Variants in BRCA1 observed in about 807,000 individuals in gnomAD.
BRCA1 encodes the protein BRCA1 DNA repair associated, also known as breast cancer type 1 susceptibility protein.
BRCA1 carries 140 observed loss-of-function variants against 173.7 expected under a neutral mutation model. The ratio of observed to expected loss-of-function variants is 0.81; its 90% CI spans 0.70 to 0.93. The LOEUF (loss-of-function observed/expected upper bound fraction) is 0.93. Ranked by LOEUF, BRCA1 falls within the 40% of genes least tolerant of loss-of-function variation. BRCA1 has a pLI of 0.00. For missense variants in BRCA1, 1,983 were observed against 2,172.5 expected (o/e 0.91, Z 1.73); for synonymous variants, 662 against 756.0 (o/e 0.88, Z 2.04).
At chr17:43,078,515 G>A (rs1488671067) in intron 12 of BRCA1, among the ~76,000 whole-genome samples, 2 of 152,168 alleles carry the variant, frequency 1.3e-5, no homozygotes, top group African/African-American at 4.8e-5. Context: ...GTTAAAAATT[G>A]CAAAAGTCTT....
At chr17:43,123,022 A>C (rs1215701549) in intron 2 of BRCA1, among the ~76,000 whole-genome samples, 1 of 151,588 alleles carries the variant, frequency 6.6e-6, no homozygotes, top group Non-Finnish European at 1.5e-5. Context: ...GCGCCACTGC[A>C]CTCCAGCCTG....
At chr17:43,075,975 C>A (rs539820050) in intron 13 of BRCA1, among the ~76,000 whole-genome samples, 391 of 151,958 alleles carry the variant, frequency 2.6e-3, no homozygotes, top group African/African-American at 9.1e-3. Context: ...TGCTTGTGGA[C>A]CCAGCTACTC....
chr17:43,135,133 C>CGTA (rs1567828387), intron 1 of BRCA1, among the ~76,000 whole-genome samples: 3 of 152,262 alleles, frequency 2.0e-5, no homozygotes, highest in African/African-American at 7.2e-5. Context: ...CCTGCTAGTT[C>CGTA]CTAACCCACG....
rs532575889 is a variant in BRCA1 at position 43,114,808 on chromosome 17, T to C, written c.134+918A>G. Among the ~76,000 whole-genome samples the C allele has an allele frequency of 9.2e-5, 14 of 152,344 alleles. No individual in the cohort carries two copies. The South Asian group carries it at 2.7e-3, about 29-fold the overall frequency. Reference sequence around the variant, plus strand: ...AAATTAGTTGACATTTAAGGTAAGATGTGAGCCATAGCTTAACATAAAGAA... The same window carrying C: ...AAATTAGTTGACATTTAAGGTAAGACGTGAGCCATAGCTTAACATAAAGAA... On this transcript the variant is annotated intron_variant, in intron 3 of 22. Coordinates refer to ENST00000357654, the MANE Select transcript of BRCA1 (RefSeq NM_007294.4).
rs1160978698 is a variant in BRCA1, at chr17:43,100,054, G to A, written c.442-174C>T. Among the ~76,000 whole-genome samples, 3 of 152,322 alleles carry A rather than the reference G, an allele frequency of 2.0e-5. 1 individual carries two copies. In the South Asian group the frequency reaches 6.2e-4, roughly 32 times the overall value. ...TACACACTAAAATGTCTGGGGCTGG[G>A]AGCGGTAGCTCATGCCTATAATCCC... On this transcript the variant is annotated intron_variant, in intron 6 of 22. Coordinates refer to ENST00000357654, the MANE Select transcript of BRCA1 (RefSeq NM_007294.4).
In BRCA1 at chr17:43,067,529, C is replaced by T. The variant is rs959974663; in HGVS notation, c.5074+79G>A. On this transcript the variant is annotated intron_variant, in intron 16 of 22. Transcript: ENST00000357654. ...TCGGCCTCCCAAAGTGCTGCGATTA[C>T]AGGCATGCGCCACCGTGCCTCGCCT... 1.3e-5 allele frequency: 16 copies of T among 1,195,130 alleles called. 1 individual carries two copies. Among genetic ancestry groups the T allele is most frequent in the Non-Finnish European group, 1.9e-5 (15 of 804,862 alleles). 74.0% of individuals were successfully genotyped at this position (1,195,130 alleles called of 1,614,324 possible).
chr17:43,154,506 C>T (rs12950779), intron 1 of BRCA1, among the ~76,000 whole-genome samples: 47,943 of 151,626 alleles, frequency 0.32, 7,907 homozygotes, highest in South Asian at 0.49. Context: ...ATAAGCTGCA[C>T]TCCAGCCTGG....
At chr17:43,125,141 A>T (rs1168637182) in intron 1 of BRCA1, 130 bp downstream of exon 1, 1 of 426,206 alleles carries the variant, frequency 2.3e-6, no homozygotes. Context: ...ACAACGCCTT[A>T]CGCCTCTCAG....
At chr17:43,125,079 G>C in intron 1 of BRCA1, 192 bp downstream of exon 1, 3 of 435,042 alleles carry the variant, frequency 6.9e-6, no homozygotes, top group East Asian at 7.3e-5. Flanking sequence ...CCCCCTTCCT[G>C]ATCCTCAGCG....
chr17:43,133,248 G>T (rs1383957964), intron 1 of BRCA1: 5 of 152,130 alleles, frequency 3.3e-5, no homozygotes, highest in African/African-American at 1.2e-4. Context: ...CAGATTTGAA[G>T]TTTGAAAACA....
chr17:43,088,868 T>G (rs1372875179), intron 11 of BRCA1, among the ~76,000 whole-genome samples: 2 of 152,214 alleles, frequency 1.3e-5, no homozygotes, highest in Non-Finnish European at 1.5e-5. Context: ...GTGTGTATTC[T>G]GCATAGAACC....
At position 43,092,876 on chromosome 17, in the gene BRCA1, G is replaced by C; in HGVS notation, c.2655C>G (p.Phe885Leu). 6.2e-7 allele frequency: 1 copy of C among 1,613,962 alleles called. No individual in the cohort carries two copies. Among genetic ancestry groups the C allele is most frequent in the Non-Finnish European group, 8.5e-7 (1 of 1,180,004 alleles). The change falls in exon 10 of 23, where the codon TTC becomes TTG. Residue 885 changes from phenylalanine to leucine, a missense_variant. Physicochemically the swap from Phe to Leu is conservative, Grantham distance 22. Transcript: ENST00000357654. ...PGNAEEECAT[F>L]SAHSGSLKKQ... ...TCTTTAAGGACCCAGAGTGGGCAGA[G>C]AATGTTGCACATTCCTCTTCTGCAT...
intron 15 of BRCA1, 21 bp downstream of exon 15, chr17:43,070,907 G>C (rs1437706820): frequency 6.2e-7 from 1 of 1,613,096 alleles, no homozygotes; most frequent in African/African-American, 1.3e-5. Context: ...TCATTAGGGA[G>C]ATACATATGG....
chr17:43,075,089 G>A (rs927797137), intron 13 of BRCA1, among the ~76,000 whole-genome samples: 1 of 142,300 alleles, frequency 7.0e-6, no homozygotes, highest in Non-Finnish European at 1.6e-5. Flanking sequence ...GGAAGGAAAG[G>A]AAGAAAGAAA....
chr17:43,135,564 T>C (rs1190811862), intron 1 of BRCA1, among the ~76,000 whole-genome samples: 1 of 152,080 alleles, frequency 6.6e-6, no homozygotes, highest in Non-Finnish European at 1.5e-5. Flanking sequence ...GCTGTAGCCT[T>C]CATCCGCGTG....
intron 1 of BRCA1, chr17:43,138,230 C>A: frequency 5.2e-6 from 1 of 192,754 alleles, no homozygotes; most frequent in Admixed American, 5.3e-5. Flanking sequence ...CAAACAAAAC[C>A]CCTGAACTTC....
intron 21 of BRCA1, among the ~76,000 whole-genome samples, chr17:43,048,217 T>C (rs573423630): frequency 6.6e-6 from 1 of 152,202 alleles, no homozygotes; most frequent in Admixed American, 6.5e-5. Context: ...CTCTCTTTTT[T>C]TTTGAGACGG....
At position 43,044,579 on chromosome 17, in the gene BRCA1, C is replaced by A. The variant is rs1394273866; in HGVS notation, c.*1099G>T. The A allele has an allele frequency of 5.9e-6, 3 of 504,650 alleles. No homozygotes were observed. The highest frequency in any genetic ancestry group is 5.8e-5 in the African/African-American group (3 of 52,084). The allele number at this position is 504,650 out of a possible 1,614,324, so 31.3% of individuals were successfully genotyped here. A position where few individuals can be genotyped will look rare whatever the true frequency, so the allele number is the denominator to read the frequency against. Reference sequence around the variant, plus strand: ...CAGCTTCCTTCCTGGTGGGATCTGTCATTTTATAGATATGAAATATTCATG... The same window carrying A: ...CAGCTTCCTTCCTGGTGGGATCTGTAATTTTATAGATATGAAATATTCATG... On this transcript the variant is annotated 3_prime_UTR_variant, in exon 23 of 23. Coordinates refer to ENST00000357654, the MANE Select transcript of BRCA1 (RefSeq NM_007294.4).
chr17:43,147,484 C>T (rs187324031), intron 1 of BRCA1, among the ~76,000 whole-genome samples: 219 of 152,026 alleles, frequency 1.4e-3, no homozygotes, highest in Non-Finnish European at 1.9e-3. Flanking sequence ...CCACCGTGCC[C>T]GGCAGTAGTG....
Sources: gnomAD v4.1 joint callset for allele counts (sites outside exome capture counted in the v4.1 genomes callset) on GRCh38, gnomAD v4.1.1 for gene constraint, MANE v1.5 for transcripts, NCBI Gene and HGNC (gene_info 2026-07-23, HGNC 2026-07-21) for gene names.